Variants in KHNYN observed in about 807,000 individuals in gnomAD.
KHNYN encodes the protein protein KHNYN.
A neutral mutation model predicts 62.7 loss-of-function variants in KHNYN; 42 were observed. The observed-to-expected ratio is 0.67, with a 90% CI of 0.52 to 0.87. KHNYN has a LOEUF of 0.87. Ranked by LOEUF, KHNYN falls within the 40% of genes least tolerant of loss-of-function variation. The probability of loss-of-function intolerance (pLI) is 0.00; values close to 1 mark genes in which losing one functional copy is unlikely to be tolerated. For synonymous variants in KHNYN, 347 were observed against 345.6 expected (o/e 1.00, Z -0.04); for missense variants, 829 against 874.1 (o/e 0.95, Z 0.65).
chr14:24,440,394 G>A lies in KHNYN; in HGVS notation c.*3109G>A, dbSNP rs1451455973. 1 of 1,613,970 alleles carries A rather than the reference G, an allele frequency of 6.2e-7. No individual in the cohort carries two copies. The highest frequency in any genetic ancestry group is 8.5e-7 in the Non-Finnish European group (1 of 1,179,854). Reference sequence around the variant, plus strand: ...GCCAGGTCCCCGATGTGTATCCAGGGGAAGAATTGGTGGCCTGAGCCGATG... The same window carrying A: ...GCCAGGTCCCCGATGTGTATCCAGGAGAAGAATTGGTGGCCTGAGCCGATG... On this transcript the variant is annotated 3_prime_UTR_variant, in exon 8 of 8. Transcript: ENST00000553935.
chr14:24,435,940 A>G (rs1018177933), intron 5 of KHNYN, 132 bp from the exon 6 acceptor site: 25 of 697,466 alleles, frequency 3.6e-5, no homozygotes, highest in Non-Finnish European at 6.1e-5. Flanking sequence ...ATACCAATAC[A>G]GTTTTGCTAC....
chr14:24,432,022 C>T lies in KHNYN; in HGVS notation c.761C>T (p.Ala254Val), dbSNP rs145352230. Reference sequence around the variant, plus strand: ...AGGGGAGCAAGGGGAGACACTTACGCTGTGGAGAAGGAGGGAGGGAAACAG... The same window carrying T: ...AGGGGAGCAAGGGGAGACACTTACGTTGTGGAGAAGGAGGGAGGGAAACAG... Reference protein sequence around the residue: ...DCRGARGDTYAVEKEGGKQGG... With the variant: ...DCRGARGDTYVVEKEGGKQGG... Residue 254 changes from alanine to valine, a missense_variant, in exon 3 of 8, where the codon GCT (alanine) becomes GTT (valine). Ala to Val is a moderately conservative substitution (Grantham distance 64). Around this residue, in one of 2 missense-constraint regions of KHNYN, gnomAD observed 559 missense variants for 527.0 expected, o/e 1.06. Coordinates refer to ENST00000553935, the MANE Select transcript of KHNYN (RefSeq NM_015299.3). This position sits in a 1 kb window ranked among gnomAD's most constrained non-coding sequence, Gnocchi z 5.6. 1.2e-6 allele frequency: 2 copies of T among 1,607,456 alleles called. No individual in the cohort carries two copies. Among genetic ancestry groups the T allele is most frequent in the Admixed American group, 3.4e-5 (2 of 59,670 alleles).
chr14:24,432,222 G>A lies in KHNYN; in HGVS notation c.961G>A (p.Val321Ile), dbSNP rs1379891160. Reference sequence around the variant, plus strand: ...AGCTCTGGGAGGAGGAGGGTTCTGTGTCCACCGTGAGCCTCCCGGTGCCCA... The same window carrying A: ...AGCTCTGGGAGGAGGAGGGTTCTGTATCCACCGTGAGCCTCCCGGTGCCCA... The part of the protein sequence containing the change: ...EIALGGGGFC[V>I]HREPPGAHGS... The change falls in exon 3 of 8, where the codon GTC (valine) becomes ATC (isoleucine). Residue 321 changes from valine to isoleucine, a missense_variant. Val to Ile is a conservative substitution (Grantham distance 29). Coordinates refer to ENST00000553935, the MANE Select transcript of KHNYN (RefSeq NM_015299.3). This position sits in a 1 kb window ranked among gnomAD's most constrained non-coding sequence, Gnocchi z 5.6. 3.1e-6 allele frequency: 5 copies of A among 1,603,532 alleles called. No homozygotes were observed. Among genetic ancestry groups the A allele is most frequent in the Admixed American group, 1.7e-5 (1 of 59,330 alleles).
chr14:24,441,041 G>T lies in KHNYN; in HGVS notation c.*3756G>T. The stretch of plus-strand genomic sequence containing the variant: ...GGCCCTTAGGATCTCCCCATTTGGA[G>T]ACAGAGCCATTTGGATATTTTCCCC... On this transcript the variant is annotated 3_prime_UTR_variant, in exon 8 of 8. Coordinates refer to ENST00000553935, the MANE Select transcript of KHNYN (RefSeq NM_015299.3). 8.8e-7 allele frequency: 1 copy of T among 1,135,512 alleles called. No individual in the cohort carries two copies. Among genetic ancestry groups the T allele is most frequent in the Non-Finnish European group, 1.3e-6 (1 of 763,856 alleles). 70.3% of individuals were successfully genotyped at this position (1,135,512 alleles called of 1,614,324 possible).
chr14:24,430,162 G>C, intron 1 of KHNYN, 43 bp downstream of exon 1: 1 of 982,738 alleles, frequency 1.0e-6, no homozygotes, highest in African/African-American at 1.8e-5. Context: ...GGGAGCGGGG[G>C]CCGCGGTGCG....
upstream of KHNYN, among the ~76,000 whole-genome samples, chr14:24,426,068 ATAT>A (rs1222965212): frequency 2.2e-4 from 34 of 152,232 alleles, no homozygotes; most frequent in African/African-American, 8.0e-4. Context: ...TTCACTCAGC[ATAT>A]TAACTACTTT....
chr14:24,428,157 C>T, upstream of KHNYN: 1 of 1,388,556 alleles, frequency 7.2e-7, no homozygotes, highest in South Asian at 1.3e-5. Context: ...CAAGGCAGGC[C>T]CATTCCTCCC....
upstream of KHNYN, chr14:24,429,647 A>T: frequency 1.8e-6 from 2 of 1,128,094 alleles, no homozygotes; most frequent in Non-Finnish European, 2.2e-6. Context: ...GCTTGGGCCT[A>T]GAGCACCAGT....
chr14:24,426,684 T>C (rs989012183), upstream of KHNYN: 1 of 152,168 alleles, frequency 6.6e-6, no homozygotes. Flanking sequence ...GTTGTTTTAT[T>C]GATAGATTCA....
At position 24,431,965 on chromosome 14, in the gene KHNYN, T is replaced by C. The variant is rs74036636; in HGVS notation, c.704T>C (p.Leu235Pro). The C allele has an allele frequency of 5.6e-6, 9 of 1,612,924 alleles. No homozygotes were observed. The highest frequency in any genetic ancestry group is 2.7e-5 in the African/African-American group (2 of 74,998). ...RAPPSDGRES[L>P]DTGSMGPGDC... ...CCCCCTAGTGACGGCAGGGAGTCCC[T>C]GGACACTGGATCTATGGGACCCGGA... The change falls in exon 3 of 8, where the codon CTG becomes CCG. Residue 235 changes from leucine (L) to proline (P), a missense_variant. By Grantham distance (98) the Leu-to-Pro change is moderately conservative (BLOSUM62 -3). Coordinates refer to ENST00000553935, the MANE Select transcript of KHNYN (RefSeq NM_015299.3).
upstream of KHNYN, chr14:24,427,874 C>T (rs781723932): frequency 8.5e-5 from 137 of 1,613,994 alleles, no homozygotes; most frequent in Non-Finnish European, 7.8e-5. This position sits in a 1 kb window ranked among gnomAD's most constrained non-coding sequence, Gnocchi z 4.4. Context: ...CAGAGACACT[C>T]GGTCCCCAGG....
upstream of KHNYN, among the ~76,000 whole-genome samples, chr14:24,426,361 T>C (rs2043020082): frequency 6.6e-6 from 1 of 152,154 alleles, no homozygotes; most frequent in East Asian, 1.9e-4. Flanking sequence ...GGGTTTTTGG[T>C]ATTTTTTTTT....
In KHNYN at chr14:24,436,536, C is replaced by T. The variant is rs575788783; in HGVS notation, c.1787+47C>T. On this transcript the variant is annotated intron_variant, in intron 7 of 7. Transcript: ENST00000553935. The stretch of plus-strand genomic sequence containing the variant: ...TTACAGGCAGCCCCCACCCCTGGCC[C>T]TCTCTCAGCAGGCCCAGAGACTTGG... The T allele has an allele frequency of 2.1e-5, 29 of 1,389,528 alleles. No individual in the cohort carries two copies. The East Asian group carries it at 4.4e-4, about 21-fold the overall frequency. 86.1% of individuals were successfully genotyped at this position (1,389,528 alleles called of 1,614,324 possible).
Position 24,437,312 on chromosome 14 carries a change from CCT to C in KHNYN, c.*28_*29del, listed in dbSNP as rs752047269. On this transcript the variant is annotated 3_prime_UTR_variant, in exon 8 of 8. Transcript: ENST00000553935. This position sits in a 1 kb window ranked among gnomAD's most constrained non-coding sequence, Gnocchi z 5.5. The stretch of plus-strand genomic sequence containing the variant: ...CCTCACCTGCTTGAGTGGCTGCCGC[CCT>C]GTCAGCTCCAGCCGCCTCCAGCTCA... The C allele has an allele frequency of 9.4e-6, 15 of 1,593,380 alleles. No individual in the cohort carries two copies. Among genetic ancestry groups the C allele is most frequent in the Middle Eastern group, 1.8e-4 (1 of 5,674 alleles).
chr14:24,430,191 G>A, intron 1 of KHNYN, 72 bp downstream of exon 1: 1 of 967,550 alleles, frequency 1.0e-6, no homozygotes, highest in African/African-American at 1.8e-5. Flanking sequence ...CCGGCCCGGG[G>A]TGGCTGCCCC....
At chr14:24,428,406 C>G, upstream of KHNYN, 1 of 1,613,794 alleles carries the variant, frequency 6.2e-7, no homozygotes, top group Non-Finnish European at 8.5e-7. Context: ...TCACCAGGAC[C>G]TGGGGGAAGC....
intron 1 of KHNYN, chr14:24,430,443 C>A (rs947099024): frequency 5.5e-6 from 7 of 1,265,178 alleles, no homozygotes; most frequent in South Asian, 4.0e-5. Flanking sequence ...GGAGCCCCCC[C>A]ACCCTTCTTG....
chr14:24,427,544 A>C (rs1401270822), upstream of KHNYN: 1 of 487,014 alleles, frequency 2.1e-6, no homozygotes, highest in Non-Finnish European at 3.6e-6. This position sits in a 1 kb window ranked among gnomAD's most constrained non-coding sequence, Gnocchi z 4.4. Flanking sequence ...CTAGGGCTGC[A>C]GGCAGGAACA....
chr14:24,428,440 G>A (rs778728553), upstream of KHNYN: 1 of 1,611,958 alleles, frequency 6.2e-7, no homozygotes, highest in African/African-American at 1.3e-5. Context: ...TGGGGCTCAG[G>A]AAATGCCCAT....
Sources: gnomAD v4.1 joint callset for allele counts (sites outside exome capture counted in the v4.1 genomes callset) on GRCh38, gnomAD v4.1.1 for gene constraint, gnomAD v4.1.1 regional missense constraint, Gnocchi (gnomAD v3.1) non-coding constraint, MANE v1.5 for transcripts, NCBI Gene and HGNC (gene_info 2026-07-23, HGNC 2026-07-21) for gene names.